LARGE1: variants seen among roughly 807,000 people sequenced by gnomAD.
LARGE1 encodes LARGE xylosyl- and glucuronyltransferase 1.
Under a neutral mutation model 87.6 loss-of-function variants are expected in LARGE1, and 43 were observed. The ratio of observed to expected loss-of-function variants is 0.49; its 90% CI spans 0.38 to 0.63. The LOEUF (loss-of-function observed/expected upper bound fraction) is 0.63. LARGE1 is among the 30% of genes least tolerant of loss of function. The pLI, the probability that LARGE1 is intolerant of heterozygous loss-of-function variation, is 0.00. For synonymous variants in LARGE1, 434 were observed against 394.6 expected, an observed-to-expected ratio of 1.10 and a Z score of -1.18; for missense variants, 802 against 1,000.2, an observed-to-expected ratio of 0.80 and a Z score of 2.67.
At chr22:33,871,840 G>A (rs1290346806) in intron 1 of LARGE1, among the ~76,000 whole-genome samples, 3 of 151,920 alleles carry the variant, frequency 2.0e-5, no homozygotes. Flanking sequence ...GAAGTAAATA[G>A]TTAATTGATG....
At chr22:33,572,857 G>A (rs1343972729) in intron 5 of LARGE1, among the ~76,000 whole-genome samples, 1 of 152,046 alleles carries the variant, frequency 6.6e-6, no homozygotes, top group Non-Finnish European at 1.5e-5. Flanking sequence ...GCGACAGAGT[G>A]AGACTTTGTC....
intron 6 of LARGE1, among the ~76,000 whole-genome samples, chr22:33,482,098 A>G (rs1347776523): frequency 1.3e-5 from 2 of 152,198 alleles, no homozygotes; most frequent in African/African-American, 4.8e-5. Context: ...TGAACTGTTA[A>G]GTGTTATCAA....
intron 1 of LARGE1, among the ~76,000 whole-genome samples, chr22:33,771,716 C>G (rs2085072738): frequency 6.6e-6 from 1 of 152,108 alleles, no homozygotes; most frequent in African/African-American, 2.4e-5. Flanking sequence ...GTACAATGAC[C>G]TTCTTCCTAT....
chr22:33,354,716 A>G (rs1940729270), intron 9 of LARGE1, among the ~76,000 whole-genome samples: 2 of 152,252 alleles, frequency 1.3e-5, no homozygotes, highest in Non-Finnish European at 2.9e-5. Flanking sequence ...TGAGTATAAA[A>G]TGTATTCAGC....
At chr22:33,776,493 A>G (rs384958) in intron 1 of LARGE1, among the ~76,000 whole-genome samples, 110,434 of 152,046 alleles carry the variant, frequency 0.73, 40,523 homozygotes, top group African/African-American at 0.8. Context: ...TACAGCTTCA[A>G]GAAGGCTGGT....
At position 33,849,744 on chromosome 22, in the gene LARGE1, G is replaced by A. The variant is rs182447844; in HGVS notation, c.-83+70251C>T. The stretch of plus-strand genomic sequence containing the variant: ...CTTCCAAGAAGCTGGGATTACAGAT[G>A]AGCACCACCATGCCCAGCTAACTTT... On this transcript the variant is annotated intron_variant, in intron 1 of 14. Coordinates refer to ENST00000397394, the MANE Select transcript of LARGE1 (RefSeq NM_133642.5). Among the ~76,000 whole-genome samples, 281 of 151,900 alleles carry A rather than the reference G, an allele frequency of 1.8e-3. 1 individual carries two copies. The highest frequency in any genetic ancestry group is 6.6e-3 in the African/African-American group (272 of 41,434).
intron 1 of LARGE1, among the ~76,000 whole-genome samples, chr22:33,863,116 C>T (rs1405323829): frequency 6.6e-6 from 1 of 152,144 alleles, no homozygotes; most frequent in Non-Finnish European, 1.5e-5. Flanking sequence ...AGCACCGTGG[C>T]ACACAGGAAC....
intron 9 of LARGE1, among the ~76,000 whole-genome samples, chr22:33,350,899 T>C (rs1940309239): frequency 6.6e-6 from 1 of 152,194 alleles, no homozygotes; most frequent in Non-Finnish European, 1.5e-5. Context: ...CTTGCATGGA[T>C]ACCTGTCCCA....
At chr22:33,640,707 C>G (rs531306309) in intron 3 of LARGE1, among the ~76,000 whole-genome samples, 1 of 152,328 alleles carries the variant, frequency 6.6e-6, no homozygotes, top group South Asian at 2.1e-4. Flanking sequence ...CCCACCAGCA[C>G]AGCAGTCTGA....
chr22:33,115,343 A>G, the LARGE1 span, among the ~76,000 whole-genome samples: 3 of 151,116 alleles, frequency 2.0e-5, no homozygotes, highest in African/African-American at 4.9e-5. Context: ...CTTTGGGAGG[A>G]TGAGGAGGAT....
At chr22:33,480,058 T>C (rs1275129450) in intron 6 of LARGE1, among the ~76,000 whole-genome samples, 2 of 152,114 alleles carry the variant, frequency 1.3e-5, no homozygotes, top group Non-Finnish European at 2.9e-5. Context: ...ATGCCTCTTA[T>C]CGGTCAAGCA....
intron 1 of LARGE1, among the ~76,000 whole-genome samples, chr22:33,777,304 C>T (rs1375497914): frequency 2.0e-5 from 3 of 152,038 alleles, no homozygotes; most frequent in African/African-American, 7.2e-5. Flanking sequence ...CCTAGGGAGC[C>T]ACTCGAGATT....
chr22:33,374,967 G>A (rs1429731159), intron 9 of LARGE1, among the ~76,000 whole-genome samples: 1 of 150,702 alleles, frequency 6.6e-6, no homozygotes, highest in Non-Finnish European at 1.5e-5. Context: ...CAAATTTATG[G>A]AAGCGACTCT....
intron 1 of LARGE1, among the ~76,000 whole-genome samples, chr22:33,903,611 G>C (rs1042704883): frequency 2.6e-5 from 4 of 152,178 alleles, no homozygotes; most frequent in Admixed American, 6.5e-5. Context: ...CGGATCACGA[G>C]GTCAAGAGAT....
At chr22:33,787,143 T>C (rs1421310864) in intron 1 of LARGE1, among the ~76,000 whole-genome samples, 5 of 152,176 alleles carry the variant, frequency 3.3e-5, no homozygotes, top group African/African-American at 1.2e-4. Context: ...TACTTCCACG[T>C]AACAGCTGGT....
chr22:33,097,790 C>T, the LARGE1 span, among the ~76,000 whole-genome samples: 10 of 152,262 alleles, frequency 6.6e-5, no homozygotes, highest in African/African-American at 9.6e-5. Context: ...TCTAAAATAA[C>T]GGGTATAATA....
At chr22:33,222,796 T>C (rs181614226) in intron 11 of LARGE1, among the ~76,000 whole-genome samples, 65 of 152,352 alleles carry the variant, frequency 4.3e-4, no homozygotes, top group African/African-American at 1.4e-3. Flanking sequence ...CTGTTGGTTT[T>C]GGCACCTGGT....
intron 6 of LARGE1, among the ~76,000 whole-genome samples, chr22:33,502,566 C>G (rs912258823): frequency 1.2e-4 from 18 of 150,532 alleles, no homozygotes; most frequent in African/African-American, 4.5e-4. Context: ...TCCTGCATAT[C>G]CTGCCACGTG....
chr22:33,234,536 T>C (rs1210766855), intron 11 of LARGE1, among the ~76,000 whole-genome samples: 1 of 152,082 alleles, frequency 6.6e-6, no homozygotes, highest in African/African-American at 2.4e-5. Flanking sequence ...TTTGTTTCTT[T>C]GTTTTGTTTT....
Sources: gnomAD v4.1 joint callset for allele counts (sites outside exome capture counted in the v4.1 genomes callset) on GRCh38, gnomAD v4.1.1 for gene constraint, MANE v1.5 for transcripts, NCBI Gene and HGNC (gene_info 2026-07-23, HGNC 2026-07-21) for gene names.